The following BICC1 variants were observed in gnomAD, a reference collection of about 807,000 sequenced individuals.
BICC1 encodes protein bicaudal C homolog 1.
A neutral mutation model predicts 111.0 loss-of-function variants in BICC1; 43 were observed. The observed-to-expected ratio is 0.39, with a 90% CI of 0.30 to 0.50. The LOEUF (loss-of-function observed/expected upper bound fraction) is 0.50. Among genes scored for constraint, BICC1 ranks in the 20% least tolerant of loss-of-function variants. BICC1 has a pLI of 0.88. For synonymous variants in BICC1, 467 were observed against 434.4 expected, an observed-to-expected ratio of 1.07 and a Z score of -0.93; for missense variants, 1,091 against 1,203.2, an observed-to-expected ratio of 0.91 and a Z score of 1.38.
chr10:58,524,165 A>G (rs1380227835), intron 1 of BICC1, among the ~76,000 whole-genome samples: 12 of 152,150 alleles, frequency 7.9e-5, no homozygotes, highest in Admixed American at 7.9e-4. Context: ...CCATCAAGCT[A>G]CCAATGACTT....
chr10:58,586,969 T>A (rs919076880), intron 1 of BICC1, among the ~76,000 whole-genome samples: 1 of 152,186 alleles, frequency 6.6e-6, no homozygotes, highest in East Asian at 1.9e-4. Context: ...AGGGATTAGT[T>A]AGCCTGCTGA....
intron 2 of BICC1, among the ~76,000 whole-genome samples, chr10:58,698,221 T>G (rs531790821): frequency 6.6e-6 from 1 of 152,252 alleles, no homozygotes; most frequent in East Asian, 1.9e-4. Flanking sequence ...CAAGTCAGTT[T>G]GAAGGGTATT....
intron 1 of BICC1, among the ~76,000 whole-genome samples, chr10:58,560,001 A>C (rs1475557503): frequency 6.8e-6 from 1 of 148,042 alleles, no homozygotes; most frequent in Non-Finnish European, 1.5e-5. Flanking sequence ...TAGGTTTATC[A>C]GGGGTTTTGG....
intron 1 of BICC1, among the ~76,000 whole-genome samples, chr10:58,614,120 C>G (rs539244472): frequency 1.3e-4 from 20 of 152,208 alleles, no homozygotes; most frequent in Middle Eastern, 3.4e-3. Flanking sequence ...AGTAGACTCT[C>G]AAATTTGGGC....
At chr10:58,691,226 CAGTAGATCTCT>C (rs1418888899) in intron 2 of BICC1, among the ~76,000 whole-genome samples, 3 of 152,092 alleles carry the variant, frequency 2.0e-5, no homozygotes, top group Non-Finnish European at 2.9e-5. Context: ...GTGTGCTTTA[CAGTAGATCTCT>C]AGGAATTATT....
chr10:58,600,407 G>T (rs973250154), intron 1 of BICC1, among the ~76,000 whole-genome samples: 25 of 152,124 alleles, frequency 1.6e-4, no homozygotes, highest in African/African-American at 5.8e-4. Context: ...CTAAGACAGA[G>T]CTATGGGGAG....
intron 2 of BICC1, among the ~76,000 whole-genome samples, chr10:58,669,791 C>T (rs922772899): frequency 1.3e-5 from 2 of 152,034 alleles, no homozygotes; most frequent in African/African-American, 2.4e-5. Flanking sequence ...ATATTTTTTT[C>T]TGAATTAACA....
At chr10:58,521,942 A>G (rs1036645054) in intron 1 of BICC1, among the ~76,000 whole-genome samples, 1 of 151,814 alleles carries the variant, frequency 6.6e-6, no homozygotes, top group Non-Finnish European at 1.5e-5. Flanking sequence ...TTTGAGAAAC[A>G]TTGCAAGGTG....
chr10:58,618,196 G>T (rs1376225078), intron 1 of BICC1, among the ~76,000 whole-genome samples: 1 of 152,164 alleles, frequency 6.6e-6, no homozygotes, highest in African/African-American at 2.4e-5. Flanking sequence ...AGGCCTGTGT[G>T]TTGGAGCTGT....
At chr10:58,634,938 A>T (rs1248752009) in intron 2 of BICC1, among the ~76,000 whole-genome samples, 1 of 152,216 alleles carries the variant, frequency 6.6e-6, no homozygotes, top group East Asian at 1.9e-4. Flanking sequence ...AAAGGTCTTT[A>T]TCCTCATCAT....
Position 58,616,285 on chromosome 10 carries a change from G to A in BICC1, c.191-4570G>A, listed in dbSNP as rs182053298. Among the ~76,000 whole-genome samples the A allele has an allele frequency of 5.3e-5, 8 of 152,346 alleles. No individual in the cohort carries two copies. The East Asian group carries it at 1.4e-3, about 26-fold the overall frequency. On this transcript the variant is annotated intron_variant, in intron 1 of 20. Coordinates refer to ENST00000373886, the MANE Select transcript of BICC1 (RefSeq NM_001080512.3). ...GGGTCCCCCCACTGGAGAACAGGGG[G>A]CCCCAACAAGTGACATGCTCAGAGA...
At chr10:58,522,490 A>G (rs1842418095) in intron 1 of BICC1, among the ~76,000 whole-genome samples, 1 of 152,164 alleles carries the variant, frequency 6.6e-6, no homozygotes, top group Admixed American at 6.6e-5. Flanking sequence ...AGAAATAAAC[A>G]TGTTCTTTGA....
intron 3 of BICC1, among the ~76,000 whole-genome samples, chr10:58,736,333 G>T (rs1044574019): frequency 1.3e-5 from 2 of 152,078 alleles, no homozygotes; most frequent in African/African-American, 4.8e-5. Flanking sequence ...TCACTAAAAT[G>T]AGCAGTACAA....
intron 3 of BICC1, among the ~76,000 whole-genome samples, chr10:58,723,807 A>G (rs943593924): frequency 6.6e-6 from 1 of 152,172 alleles, no homozygotes. Flanking sequence ...TAAGAGGTTG[A>G]GTGGTCTGGA....
chr10:58,648,322 C>G lies in BICC1; in HGVS notation c.237+27421C>G, dbSNP rs141069377. ...GTGTTCTCATATGTAACAGATTGTA[C>G]ACAACTCAGTGCTTCACCCTTGTAC... On this transcript the variant is annotated intron_variant, in intron 2 of 20. Transcript: ENST00000373886. Among the ~76,000 whole-genome samples the G allele has an allele frequency of 8.4e-4, 128 of 152,284 alleles. 1 individual carries two copies. Among genetic ancestry groups the G allele is most frequent in the African/African-American group, 3.0e-3 (126 of 41,564 alleles).
intron 3 of BICC1, among the ~76,000 whole-genome samples, chr10:58,782,531 A>T (rs1842909112): frequency 6.6e-6 from 1 of 152,244 alleles, no homozygotes; most frequent in African/African-American, 2.4e-5. Flanking sequence ...TTTAACAGGC[A>T]TGTTTTGAGA....
At chr10:58,818,335 A>G (rs1222727036) in intron 19 of BICC1, among the ~76,000 whole-genome samples, 1 of 152,162 alleles carries the variant, frequency 6.6e-6, no homozygotes, top group African/African-American at 2.4e-5. Context: ...TAAAGAAAAG[A>G]GGCCCCAGGC....
chr10:58,520,052 C>G (rs1842350049), intron 1 of BICC1, among the ~76,000 whole-genome samples: 1 of 152,078 alleles, frequency 6.6e-6, no homozygotes, highest in African/African-American at 2.4e-5. Context: ...CCAACAAAGC[C>G]AGAATTTGTT....
rs1053010479 is a variant in BICC1 at position 58,663,657 on chromosome 10, G to A, written c.238-38417G>A. Among the ~76,000 whole-genome samples, 11 of 152,270 alleles carry A rather than the reference G, an allele frequency of 7.2e-5. No individual in the cohort carries two copies. In the South Asian group the frequency reaches 1.5e-3, roughly 20 times the overall value. ...TGAACTGTGCATTCAAGGGATCTAG[G>A]TTATGCACTCCTTATGAGAATCTAA... On this transcript the variant is annotated intron_variant, in intron 2 of 20. Transcript: ENST00000373886.
Sources: allele counts gnomAD v4.1 joint callset (sites outside exome capture counted in the v4.1 genomes callset), GRCh38; gene constraint gnomAD v4.1.1; transcripts MANE v1.5; gene names NCBI Gene and HGNC (gene_info 2026-07-23, HGNC 2026-07-21).